Variants in PDE4B observed in about 807,000 individuals in gnomAD.
PDE4B encodes the protein phosphodiesterase 4B, also known as 3',5'-cyclic-AMP phosphodiesterase 4B.
A neutral mutation model predicts 82.2 loss-of-function variants in PDE4B; 20 were observed. The ratio of observed to expected loss-of-function variants is 0.24; its 90% confidence interval spans 0.17 to 0.35. The LOEUF is 0.35. PDE4B is among the 10% of genes least tolerant of loss of function. PDE4B has a pLI of 1.00. For missense variants in PDE4B, 655 were observed against 907.2 expected, an observed-to-expected ratio of 0.72 and a Z score of 3.57; for synonymous variants, 320 against 318.9, an observed-to-expected ratio of 1.00 and a Z score of -0.04.
chr1:65,897,890 G>T (rs59798256), intron 1 of PDE4B, among the ~76,000 whole-genome samples: 1 of 152,230 alleles, frequency 6.6e-6, no homozygotes, highest in African/African-American at 2.4e-5. Flanking sequence ...TCTGTTTTAA[G>T]TTCTTTGAGA....
At chr1:66,252,538 T>A (rs116590020) in intron 4 of PDE4B, among the ~76,000 whole-genome samples, 2,163 of 152,320 alleles carry the variant, frequency 0.014, 20 homozygotes, top group Non-Finnish European at 0.02. Context: ...TATAATAAAG[T>A]GTTCGATATC....
At chr1:66,220,295 T>C (rs899078207) in intron 3 of PDE4B, among the ~76,000 whole-genome samples, 15 of 152,148 alleles carry the variant, frequency 9.9e-5, no homozygotes, top group African/African-American at 3.6e-4. Flanking sequence ...CAGTACTTCT[T>C]TACTCAGGTA....
intron 3 of PDE4B, among the ~76,000 whole-genome samples, chr1:66,036,345 A>AT (rs1654061348): frequency 6.6e-6 from 1 of 151,742 alleles, no homozygotes; most frequent in South Asian, 2.1e-4. Context: ...CCATTTGTCT[A>AT]TTTTTGCTTT....
intron 7 of PDE4B, among the ~76,000 whole-genome samples, chr1:66,314,112 A>T (rs955076010): frequency 2.0e-5 from 3 of 152,086 alleles, no homozygotes; most frequent in African/African-American, 7.2e-5. Context: ...TTAAACATAT[A>T]CTTTTTCCTT....
intron 8 of PDE4B, among the ~76,000 whole-genome samples, chr1:66,342,872 T>C (rs1365716255): frequency 6.6e-6 from 1 of 152,134 alleles, no homozygotes; most frequent in African/African-American, 2.4e-5. Context: ...GGAGAAACCC[T>C]GTCTCTACTA....
intron 7 of PDE4B, among the ~76,000 whole-genome samples, chr1:66,290,433 TGA>T (rs1447523468): frequency 6.6e-6 from 1 of 152,218 alleles, no homozygotes; most frequent in Non-Finnish European, 1.5e-5. Context: ...GTATCAAAAC[TGA>T]GAGAGTCTCA....
At chr1:65,951,142 A>G (rs991494573) in intron 3 of PDE4B, among the ~76,000 whole-genome samples, 1 of 152,090 alleles carries the variant, frequency 6.6e-6, no homozygotes, top group African/African-American at 2.4e-5. Flanking sequence ...CTACTGAGTT[A>G]ACTTTACTTT....
At chr1:66,017,990 T>C (rs1275840904) in intron 3 of PDE4B, among the ~76,000 whole-genome samples, 1 of 152,240 alleles carries the variant, frequency 6.6e-6, no homozygotes, top group Non-Finnish European at 1.5e-5. Flanking sequence ...GGTAACTGGC[T>C]ATATTTTATA....
chr1:66,353,298 A>C (rs1661979697), intron 8 of PDE4B, among the ~76,000 whole-genome samples: 1 of 152,230 alleles, frequency 6.6e-6, no homozygotes, highest in African/African-American at 2.4e-5. Context: ...ACCCAGAAGG[A>C]GGATGATTGG....
intron 3 of PDE4B, among the ~76,000 whole-genome samples, chr1:66,191,934 C>T (rs1647845682): frequency 6.6e-6 from 1 of 152,086 alleles, no homozygotes; most frequent in Admixed American, 6.5e-5. Context: ...GAAAACACCC[C>T]ATGATTTCAA....
intron 1 of PDE4B, among the ~76,000 whole-genome samples, chr1:65,826,923 C>T (rs1646025138): frequency 6.6e-6 from 1 of 152,112 alleles, no homozygotes; most frequent in South Asian, 2.1e-4. Flanking sequence ...TTGTGACATA[C>T]AACTGGGAAA....
chr1:65,932,253 C>T (rs1647877589), intron 3 of PDE4B, among the ~76,000 whole-genome samples: 1 of 151,500 alleles, frequency 6.6e-6, no homozygotes, highest in African/African-American at 2.4e-5. Context: ...GGTGAAAAAC[C>T]ACAGATCCCA....
At chr1:65,864,826 T>G (rs1267968373) in intron 1 of PDE4B, among the ~76,000 whole-genome samples, 2 of 152,126 alleles carry the variant, frequency 1.3e-5, no homozygotes, top group Non-Finnish European at 2.9e-5. Context: ...TCTCTCCCAG[T>G]TAGGAGGCAC....
chr1:66,331,141 A>G (rs994849192), intron 7 of PDE4B, among the ~76,000 whole-genome samples: 4 of 152,258 alleles, frequency 2.6e-5, no homozygotes, highest in Non-Finnish European at 4.4e-5. Context: ...CACCACAGAC[A>G]TAAGATTATT....
chr1:66,346,856 G>A (rs1276814016), intron 8 of PDE4B, among the ~76,000 whole-genome samples: 1 of 152,068 alleles, frequency 6.6e-6, no homozygotes, highest in Non-Finnish European at 1.5e-5. Flanking sequence ...CACACACTTG[G>A]TCTCAGACAC....
intron 4 of PDE4B, among the ~76,000 whole-genome samples, chr1:66,250,409 G>A (rs1653670460): frequency 6.6e-6 from 1 of 152,144 alleles, no homozygotes; most frequent in South Asian, 2.1e-4. Flanking sequence ...GGAAACACTA[G>A]CTTTTAAATT....
intron 3 of PDE4B, among the ~76,000 whole-genome samples, chr1:66,166,408 A>C (rs796630391): frequency 2.6e-5 from 4 of 152,186 alleles, no homozygotes; most frequent in Non-Finnish European, 4.4e-5. Flanking sequence ...CATTAAAGTG[A>C]AAAACTTTTT....
At chr1:66,345,720 G>A (rs371958791) in intron 8 of PDE4B, among the ~76,000 whole-genome samples, 19 of 152,248 alleles carry the variant, frequency 1.2e-4, no homozygotes, top group East Asian at 5.8e-4. Flanking sequence ...CCTGTTGTGC[G>A]GCAATGGCTA....
At position 65,947,372 on chromosome 1, in the gene PDE4B, C is replaced by T. The variant is rs570940192; in HGVS notation, c.281+28537C>T. Among the ~76,000 whole-genome samples the T allele has an allele frequency of 5.9e-5, 9 of 152,152 alleles. No homozygotes were observed. In the South Asian group the frequency reaches 1.0e-3, roughly 17 times the overall value. Reference sequence around the variant, plus strand: ...TCCACAGTTTTTGCAAGGCCAGGCTCGGCTCGTGTATTAAATAGGACCCCA... The same window carrying T: ...TCCACAGTTTTTGCAAGGCCAGGCTTGGCTCGTGTATTAAATAGGACCCCA... On this transcript the variant is annotated intron_variant, in intron 3 of 16. Coordinates refer to ENST00000341517, the MANE Select transcript of PDE4B (RefSeq NM_002600.4).
Sources: gnomAD v4.1 joint callset for allele counts (sites outside exome capture counted in the v4.1 genomes callset) on GRCh38, gnomAD v4.1.1 for gene constraint, MANE v1.5 for transcripts, NCBI Gene and HGNC (gene_info 2026-07-23, HGNC 2026-07-21) for gene names.